PHC3: variants seen among roughly 807,000 people sequenced by gnomAD.
PHC3 encodes polyhomeotic homolog 3, also known as polyhomeotic-like protein 3.
A neutral mutation model predicts 107.4 loss-of-function variants in PHC3; 13 were observed. The ratio of observed to expected loss-of-function variants is 0.12; its 90% CI spans 0.08 to 0.19. PHC3 has a LOEUF of 0.19. PHC3 is among the 10% of genes least tolerant of loss of function. PHC3 has a pLI of 1.00. For synonymous variants in PHC3, 456 were observed against 427.4 expected (o/e 1.07, Z -0.83); for missense variants, 992 against 1,210.9 (o/e 0.82, Z 2.68).
Position 170,129,328 on chromosome 3 carries a change from G to C in PHC3, c.1144C>G (p.Gln382Glu). 1.2e-6 allele frequency: 2 copies of C among 1,613,936 alleles called. No homozygotes were observed. The highest frequency in any genetic ancestry group is 1.7e-6 in the Non-Finnish European group (2 of 1,179,876). The change falls in exon 8 of 15, where the codon CAG (glutamine) becomes GAG (glutamate). Residue 382 changes from glutamine (Q) to glutamate (E), a missense_variant. By Grantham distance (29) the Gln-to-Glu change is conservative (BLOSUM62 2). This residue lies in a region of PHC3 where 543 missense variants were observed against 590.8 expected (regional missense o/e 0.92). Coordinates refer to ENST00000495893, the MANE Select transcript of PHC3 (RefSeq NM_024947.4). ...TGACTCTGAATCGGTGAACAATGCT[G>C]TGACTGGGCATTACTGGGAGCTGGA... ...LPPAPSNAQS[Q>E]HCSPIQSHPS...
intron 11 of PHC3, among the ~76,000 whole-genome samples, chr3:170,107,638 AAC>A (rs1478035038): frequency 1.3e-5 from 2 of 152,144 alleles, no homozygotes; most frequent in South Asian, 2.1e-4. Context: ...CTAATTATAA[AAC>A]AGTTCCTTTT....
At chr3:170,171,828 T>A (rs1729644806) in intron 3 of PHC3, among the ~76,000 whole-genome samples, 1 of 152,228 alleles carries the variant, frequency 6.6e-6, no homozygotes, top group African/African-American at 2.4e-5. Context: ...ATTTAAAAAT[T>A]ACACTACTAA....
At chr3:170,174,349 GTGTTAATTAC>G (rs1730082916) in intron 2 of PHC3, among the ~76,000 whole-genome samples, 1 of 152,038 alleles carries the variant, frequency 6.6e-6, no homozygotes, top group African/African-American at 2.4e-5. Context: ...TCCTTAAAAA[GTGTTAATTAC>G]TGTGAATATT....
intron 4 of PHC3, among the ~76,000 whole-genome samples, chr3:170,153,631 C>T (rs377109478): frequency 2.6e-5 from 4 of 151,704 alleles, no homozygotes; most frequent in Non-Finnish European, 5.9e-5. Flanking sequence ...GGCGTGGTGG[C>T]GGGTGCCTGT....
Position 170,129,559 on chromosome 3 carries a change from G to A in PHC3, c.920-7C>T, listed in dbSNP as rs1196097438. The A allele has an allele frequency of 1.3e-6, 2 of 1,598,466 alleles. No homozygotes were observed. The highest frequency in any genetic ancestry group is 1.8e-5 in the Admixed American group (1 of 56,768). ...TGAATTGGAGAATATGAAGCTGTGA[G>A]AGAAAAAAATGACAATTAGTACTGA... On this transcript the variant is annotated splice_region_variant and splice_polypyrimidine_tract_variant and intron_variant, in intron 7 of 14. Coordinates refer to ENST00000495893, the MANE Select transcript of PHC3 (RefSeq NM_024947.4).
chr3:170,131,062 T>C (rs1489657456), intron 7 of PHC3, among the ~76,000 whole-genome samples: 5 of 151,956 alleles, frequency 3.3e-5, no homozygotes, highest in Admixed American at 6.6e-5. Flanking sequence ...TTTAAAATTT[T>C]TGGAATCCTT....
intron 1 of PHC3, among the ~76,000 whole-genome samples, 197 bp from the exon 2 acceptor site, chr3:170,179,135 T>C (rs1441588285): frequency 6.6e-6 from 1 of 152,180 alleles, no homozygotes; most frequent in African/African-American, 2.4e-5. Context: ...TAATAGTTAA[T>C]ACCTACTACA....
rs546458983 is a variant in PHC3 at position 170,144,144 on chromosome 3, A to G, written c.672+1279T>C. Among the ~76,000 whole-genome samples the G allele has an allele frequency of 2.0e-5, 3 of 149,314 alleles. No homozygotes were observed. The South Asian group carries it at 6.4e-4, about 32-fold the overall frequency. On this transcript the variant is annotated intron_variant, in intron 6 of 14. Coordinates refer to ENST00000495893, the MANE Select transcript of PHC3 (RefSeq NM_024947.4). ...AGACCAGCCTGGCTAACATGGTGAA[A>G]CCCTGTTTCTACTTAAAAAAAAAAA...
At chr3:170,167,194 G>C (rs757595478) in intron 4 of PHC3, among the ~76,000 whole-genome samples, 1 of 152,074 alleles carries the variant, frequency 6.6e-6, no homozygotes, top group Non-Finnish European at 1.5e-5. Context: ...TGTCACCCAG[G>C]CTGGAGTGCA....
intron 12 of PHC3, among the ~76,000 whole-genome samples, chr3:170,105,994 C>T (rs1207359407): frequency 6.6e-6 from 1 of 152,088 alleles, no homozygotes; most frequent in Non-Finnish European, 1.5e-5. Flanking sequence ...GGCAGATCAC[C>T]TGAGGTCAGG....
intron 4 of PHC3, among the ~76,000 whole-genome samples, chr3:170,160,041 CTATT>C (rs1377791161): frequency 6.6e-6 from 1 of 152,198 alleles, no homozygotes; most frequent in Non-Finnish European, 1.5e-5. Flanking sequence ...TGTCCTTTGA[CTATT>C]TACTTGTCTG....
chr3:170,097,194 G>A lies in PHC3; in HGVS notation c.*36C>T. The A allele has an allele frequency of 3.2e-6, 5 of 1,560,896 alleles. No homozygotes were observed. Among genetic ancestry groups the A allele is most frequent in the Admixed American group, 1.8e-5 (1 of 56,716 alleles). ...TACCTTACAAGTTTTTGTGAGAAAA[G>A]TAAAACTGCTGTTTTATCAAGGCTT... On this transcript the variant is annotated 3_prime_UTR_variant, in exon 15 of 15. Coordinates refer to ENST00000495893, the MANE Select transcript of PHC3 (RefSeq NM_024947.4). This position sits in a 1 kb window ranked among gnomAD's most constrained non-coding sequence, Gnocchi z 4.1.
chr3:170,155,557 C>A (rs1050437523), intron 4 of PHC3, among the ~76,000 whole-genome samples: 3 of 151,934 alleles, frequency 2.0e-5, no homozygotes, highest in African/African-American at 7.3e-5. Context: ...CCTGTATCTA[C>A]CAAAAATACA....
chr3:170,150,531 TAAAAAAAAAA>T (rs1168514834), intron 4 of PHC3: 2 of 77,104 alleles, frequency 2.6e-5, no homozygotes, highest in Non-Finnish European at 4.8e-5. Flanking sequence ...CTGTCTCTAC[TAAAAAAAAAA>T]AAAAAAAAAA....
At position 170,097,013 on chromosome 3, in the gene PHC3, A is replaced by G; in HGVS notation, c.*217T>C. The stretch of plus-strand genomic sequence containing the variant: ...TAACAAGTCTTTCAATGTTTCATGT[A>G]ACCTGTAAAATTAATTTTACCAATG... On this transcript the variant is annotated 3_prime_UTR_variant, in exon 15 of 15. Transcript: ENST00000495893. This position sits in a 1 kb window ranked among gnomAD's most constrained non-coding sequence, Gnocchi z 4.1. 2 of 393,774 alleles carry G rather than the reference A, an allele frequency of 5.1e-6. No individual in the cohort carries two copies. The highest frequency in any genetic ancestry group is 8.9e-6 in the Non-Finnish European group (2 of 224,744). 24.4% of individuals were successfully genotyped at this position (393,774 alleles called of 1,614,324 possible). A position where few individuals can be genotyped will look rare whatever the true frequency, so the allele number is the denominator to read the frequency against.
Position 170,129,468 on chromosome 3 carries a change from T to C in PHC3, c.1004A>G (p.His335Arg). ...LHSPPSKVSH[H>R]QLILQQQQQQ... ...TTGCTGCTGTTGTAATATCAGCTGA[T>C]GATGGGAAACTTTGGAAGGTGGTGA... is the stretch of plus-strand genomic sequence containing the variant. Residue 335 changes from histidine (H) to arginine (R), a missense_variant, in exon 8 of 15, where the codon CAT becomes CGT. Physicochemically the swap from His to Arg is conservative, Grantham distance 29. Coordinates refer to ENST00000495893, the MANE Select transcript of PHC3 (RefSeq NM_024947.4). 6.2e-7 allele frequency: 1 copy of C among 1,613,864 alleles called. No homozygotes were observed. Among genetic ancestry groups the C allele is most frequent in the Admixed American group, 1.7e-5 (1 of 60,008 alleles).
In PHC3 at chr3:170,088,026, CTG is replaced by C. The variant is rs910858610; in HGVS notation, c.*9202_*9203del. ...CATTTTCAGGTTATACATTTTAAAA[CTG>C]TAGCTATCAACACCAATCTAGGAAC... is the stretch of plus-strand genomic sequence containing the variant. On this transcript the variant is annotated 3_prime_UTR_variant, in exon 15 of 15. Coordinates refer to ENST00000495893, the MANE Select transcript of PHC3 (RefSeq NM_024947.4). The C allele has an allele frequency of 6.6e-6, 1 of 152,154 alleles. No individual in the cohort carries two copies. Among genetic ancestry groups the C allele is most frequent in the Non-Finnish European group, 1.5e-5 (1 of 68,008 alleles). The allele number at this position is 152,154 out of a possible 1,614,324, so 9.4% of individuals were successfully genotyped here. A position where few individuals can be genotyped will look rare whatever the true frequency, so the allele number is the denominator to read the frequency against.
chr3:170,111,397 G>A (rs1030613863), intron 11 of PHC3, among the ~76,000 whole-genome samples: 2 of 147,700 alleles, frequency 1.4e-5, no homozygotes, highest in African/African-American at 5.1e-5. Flanking sequence ...AAAGAAAGAG[G>A]AAGGAAGGAA....
At chr3:170,136,323 G>A (rs1462715262) in intron 7 of PHC3, 96 bp downstream of exon 7, 2 of 1,401,372 alleles carry the variant, frequency 1.4e-6, no homozygotes, top group Admixed American at 2.2e-5. Context: ...TGTTTTAAAG[G>A]TGTCACTCCT....
Sources: allele counts gnomAD v4.1 joint callset (sites outside exome capture counted in the v4.1 genomes callset), GRCh38; gene constraint gnomAD v4.1.1; regional missense constraint gnomAD v4.1.1; non-coding constraint Gnocchi (gnomAD v3.1); transcripts MANE v1.5; gene names NCBI Gene and HGNC (gene_info 2026-07-23, HGNC 2026-07-21).